The following QKI variants were observed in gnomAD, a reference collection of about 807,000 sequenced individuals.
QKI encodes the protein KH domain-containing RNA-binding protein QKI.
Under a neutral mutation model 39.0 loss-of-function variants are expected in QKI, and 10 were observed. That is an observed-to-expected ratio of 0.26 (90% CI 0.16 to 0.43). The LOEUF (loss-of-function observed/expected upper bound fraction) is 0.43, where lower values mean the gene tolerates loss of function less well. Among genes scored for constraint, QKI ranks in the 20% least tolerant of loss-of-function variants. The pLI is 1.00. For missense variants in QKI, 218 were observed against 428.0 expected, an observed-to-expected ratio of 0.51 and a Z score of 4.33; for synonymous variants, 204 against 155.4, an observed-to-expected ratio of 1.31 and a Z score of -2.33.
At chr6:163,498,134 G>T (rs1778521337) in intron 3 of QKI, among the ~76,000 whole-genome samples, 1 of 139,376 alleles carries the variant, frequency 7.2e-6, no homozygotes, top group Admixed American at 7.7e-5. Context: ...AGTCTTATTT[G>T]CTTATAGGAT....
At position 163,538,214 on chromosome 6, in the gene QKI, C is replaced by CA. The variant is rs1282370806; in HGVS notation, c.546+3092dup. On this transcript the variant is annotated intron_variant, in intron 4 of 7. Coordinates refer to ENST00000361752, the MANE Select transcript of QKI (RefSeq NM_006775.3). ...CCAATAATAAATAAAAGCTGACCAG[C>CA]AAAGTGCCTGCCATCCTGAAGTTTA... Among the ~76,000 whole-genome samples the CA allele has an allele frequency of 4.6e-5, 7 of 152,300 alleles. No individual in the cohort carries two copies. The East Asian group carries it at 1.3e-3, about 29-fold the overall frequency.
At chr6:163,499,524 A>G (rs1452473832) in intron 3 of QKI, among the ~76,000 whole-genome samples, 3 of 152,216 alleles carry the variant, frequency 2.0e-5, no homozygotes, top group Admixed American at 2.0e-4. Context: ...AATATATGCT[A>G]AAACGTGAAT....
At chr6:163,509,639 A>G (rs1446448628) in intron 3 of QKI, among the ~76,000 whole-genome samples, 1 of 152,180 alleles carries the variant, frequency 6.6e-6, no homozygotes, top group Non-Finnish European at 1.5e-5. Flanking sequence ...CCCTATAGCA[A>G]TAACTGAAAA....
At chr6:163,568,792 C>T in intron 7 of QKI, 4 of 984,938 alleles carry the variant, frequency 4.1e-6, no homozygotes, top group Non-Finnish European at 4.8e-6. Context: ...GTAAACTCAC[C>T]TCTTTATATA....
intron 4 of QKI, among the ~76,000 whole-genome samples, chr6:163,555,194 G>A (rs1044870687): frequency 6.6e-6 from 1 of 151,852 alleles, no homozygotes; most frequent in African/African-American, 2.4e-5. Flanking sequence ...AATATGTTGA[G>A]CACATTCATT....
intron 1 of QKI, among the ~76,000 whole-genome samples, chr6:163,422,504 G>A (rs1582954672): frequency 6.6e-6 from 1 of 152,166 alleles, no homozygotes; most frequent in Non-Finnish European, 1.5e-5. Context: ...AAGGAGCGAG[G>A]ATTGCTTGAG....
chr6:163,454,451 C>T (rs553665371), intron 1 of QKI, among the ~76,000 whole-genome samples: 1 of 152,172 alleles, frequency 6.6e-6, no homozygotes, highest in Non-Finnish European at 1.5e-5. Context: ...CCCTCTTTCC[C>T]TTGAAACTTC....
intron 3 of QKI, among the ~76,000 whole-genome samples, chr6:163,514,189 G>T (rs2128235819): frequency 6.6e-6 from 1 of 152,070 alleles, no homozygotes; most frequent in South Asian, 2.1e-4. Context: ...CTAGCTTATG[G>T]CATTAATGAG....
At chr6:163,517,002 G>C (rs1779841826) in intron 3 of QKI, among the ~76,000 whole-genome samples, 1 of 151,616 alleles carries the variant, frequency 6.6e-6, no homozygotes, top group African/African-American at 2.4e-5. Context: ...TTAAAGAAAA[G>C]CTTAACAAGT....
At chr6:163,514,140 A>G (rs1779651345) in intron 3 of QKI, among the ~76,000 whole-genome samples, 2 of 152,116 alleles carry the variant, frequency 1.3e-5, no homozygotes. Flanking sequence ...GAGCTCACCC[A>G]ACAGTGGTTA....
chr6:163,425,813 A>G lies in QKI; in HGVS notation c.142+10478A>G, dbSNP rs539199469. Among the ~76,000 whole-genome samples the G allele has an allele frequency of 2.9e-3, 445 of 152,266 alleles. 2 individuals are homozygous for G. The highest frequency in any genetic ancestry group is 9.9e-3 in the African/African-American group (411 of 41,544). On this transcript the variant is annotated intron_variant, in intron 1 of 7. Transcript: ENST00000361752. ...GTTAGAGAATTGAGCTTTTATTTCTATATGAGCTAAAGACAATTGAAGAGA... is the reference window on the plus strand; with the variant it reads ...GTTAGAGAATTGAGCTTTTATTTCTGTATGAGCTAAAGACAATTGAAGAGA...
chr6:163,435,630 T>C (rs991526742), intron 1 of QKI, among the ~76,000 whole-genome samples: 1 of 152,240 alleles, frequency 6.6e-6, no homozygotes, highest in South Asian at 2.1e-4. Flanking sequence ...TGCATTTTTG[T>C]ATTTTATAAA....
At chr6:163,500,283 C>G (rs1270096830) in intron 3 of QKI, among the ~76,000 whole-genome samples, 1 of 152,036 alleles carries the variant, frequency 6.6e-6, no homozygotes, top group Non-Finnish European at 1.5e-5. Context: ...CAATTAGAGA[C>G]ATGTATGTGT....
chr6:163,565,153 G>T (rs1397603057), intron 6 of QKI: 3 of 993,174 alleles, frequency 3.0e-6, no homozygotes, highest in East Asian at 2.2e-4. Context: ...TTTATGAGAG[G>T]CTTGTGTCTG....
In QKI at chr6:163,562,002, G is replaced by A. The variant is rs749611430; in HGVS notation, c.567G>A (p.Leu189=). 1.2e-6 allele frequency: 2 copies of A among 1,613,214 alleles called. No homozygotes were observed. Among genetic ancestry groups the A allele is most frequent in the East Asian group, 4.5e-5 (2 of 44,842 alleles). ...TATAGGCAGAAGGAGAAGACAGCCT[G>A]AAGAAGATGCAGCTGATGGAGCTTG... ...LVPAAEGEDS[L]KKMQLMELAI... The change falls in exon 5 of 8, where the codon CTG becomes CTA. Residue 189 remains leucine (L), a synonymous_variant. Coordinates refer to ENST00000361752, the MANE Select transcript of QKI (RefSeq NM_006775.3).
rs1583230774 is a variant in QKI, at chr6:163,564,981, C to T, written c.934+1262C>T. On this transcript the variant is annotated intron_variant, in intron 6 of 7. Transcript: ENST00000361752. ...ACACTAAGATTTAAACTCGAAAATT[C>T]GTTGTTCAAGTAAAGAAAGCCATGA... 9 of 1,261,446 alleles carry T rather than the reference C, an allele frequency of 7.1e-6. No homozygotes were observed. The East Asian group carries it at 1.3e-4, about 19-fold the overall frequency. The allele number at this position is 1,261,446 out of a possible 1,614,324, so 78.1% of individuals were successfully genotyped here.
intron 4 of QKI, among the ~76,000 whole-genome samples, chr6:163,540,361 ACTTC>A (rs1276928552): frequency 6.6e-6 from 1 of 152,170 alleles, no homozygotes; most frequent in Non-Finnish European, 1.5e-5. Context: ...TAAAGATTGT[ACTTC>A]CTTCTCTTTG....
intron 1 of QKI, among the ~76,000 whole-genome samples, chr6:163,436,837 C>A: frequency 6.7e-6 from 1 of 149,218 alleles, no homozygotes; most frequent in East Asian, 2.0e-4. Context: ...AGAAGTATTC[C>A]TTTTCTTGCT....
chr6:163,556,657 G>A (rs1244533705), intron 4 of QKI, among the ~76,000 whole-genome samples: 2 of 152,060 alleles, frequency 1.3e-5, no homozygotes, highest in Admixed American at 1.3e-4. Context: ...AGAAAACTGT[G>A]TTTATAGTTG....
Sources: allele counts gnomAD v4.1 joint callset (sites outside exome capture counted in the v4.1 genomes callset), GRCh38; gene constraint gnomAD v4.1.1; transcripts MANE v1.5; gene names NCBI Gene and HGNC (gene_info 2026-07-23, HGNC 2026-07-21).